The following ZC3H6 variants were observed in gnomAD, a reference collection of about 807,000 sequenced individuals.
ZC3H6 encodes zinc finger CCCH-type containing 6.
Under a neutral mutation model 107.7 loss-of-function variants are expected in ZC3H6, and 40 were observed. That is an observed-to-expected ratio of 0.37 (90% CI 0.29 to 0.48). The LOEUF (loss-of-function observed/expected upper bound fraction) is 0.48. ZC3H6 is among the 20% of genes least tolerant of loss of function. ZC3H6 has a pLI of 0.98. For synonymous variants in ZC3H6, 493 were observed against 487.9 expected, an observed-to-expected ratio of 1.01 and a Z score of -0.14; for missense variants, 1,267 against 1,410.4, an observed-to-expected ratio of 0.90 and a Z score of 1.63.
chr2:112,276,227 C>T (rs1001616775), intron 1 of ZC3H6, among the ~76,000 whole-genome samples: 25 of 148,596 alleles, frequency 1.7e-4, no homozygotes, highest in Middle Eastern at 3.4e-3. Flanking sequence ...CTCCCCGAGC[C>T]GGGGTCGCTG....
rs1677065398 is a variant in ZC3H6, at chr2:112,332,923, A to C, written c.*435A>C. 1 of 153,498 alleles carries C rather than the reference A, an allele frequency of 6.5e-6. No homozygotes were observed. Among genetic ancestry groups the C allele is most frequent in the Non-Finnish European group, 1.5e-5 (1 of 68,638 alleles). 9.5% of individuals were successfully genotyped at this position (153,498 alleles called of 1,614,324 possible). The stretch of plus-strand genomic sequence containing the variant: ...CTTATTTGTCAGCACAGAACTGATT[A>C]ATATGTAATGCTACCTGCTAATTAA... On this transcript the variant is annotated 3_prime_UTR_variant, in exon 12 of 12. Transcript: ENST00000409871.
At chr2:112,312,911 A>C (rs1364393582) in intron 5 of ZC3H6, among the ~76,000 whole-genome samples, 1 of 151,546 alleles carries the variant, frequency 6.6e-6, no homozygotes, top group Non-Finnish European at 1.5e-5. Context: ...TGAGAGGGAT[A>C]GCTATATACT....
In ZC3H6 at chr2:112,276,962, A is replaced by AT. The variant is rs528357826; in HGVS notation, c.32+936_32+937insT. Among the ~76,000 whole-genome samples, 987 of 152,318 alleles carry AT rather than the reference A, an allele frequency of 6.5e-3. 9 individuals carry two copies. Among genetic ancestry groups the AT allele is most frequent in the African/African-American group, 0.022 (910 of 41,568 alleles). Reference sequence around the variant, plus strand: ...AATTACTCCTTTGTGAATAGAAGTAAGAAAAAATATACGTTTTACTATAGA... The same window carrying AT: ...AATTACTCCTTTGTGAATAGAAGTAATGAAAAAATATACGTTTTACTATAGA... On this transcript the variant is annotated intron_variant, in intron 1 of 11. Coordinates refer to ENST00000409871, the MANE Select transcript of ZC3H6 (RefSeq NM_198581.3).
chr2:112,291,430 C>T (rs59673729), intron 1 of ZC3H6, among the ~76,000 whole-genome samples: 12,721 of 151,438 alleles, frequency 0.084, 380 homozygotes, highest in African/African-American at 0.15. Context: ...GACGGGGTTT[C>T]GCCATGTTGG....
chr2:112,275,599 C>T lies in ZC3H6; in HGVS notation c.-396C>T. 2.5e-6 allele frequency: 1 copy of T among 401,410 alleles called. No individual in the cohort carries two copies. Among genetic ancestry groups the T allele is most frequent in the Non-Finnish European group, 4.4e-6 (1 of 226,952 alleles). The allele number at this position is 401,410 out of a possible 1,614,324, so 24.9% of individuals were successfully genotyped here. ...CCGGGCAAGGTGTTGCGGCCGGCGC[C>T]ATTTTCTCGAGCCGCCTGTTTCGGG... On this transcript the variant is annotated 5_prime_UTR_variant, in exon 1 of 12. Transcript: ENST00000409871.
rs145627439 is a variant in ZC3H6 at position 112,335,572 on chromosome 2, G to A, written c.*3084G>A. 17 of 152,144 alleles carry A rather than the reference G, an allele frequency of 1.1e-4. No homozygotes were observed. The East Asian group carries it at 2.5e-3, about 22-fold the overall frequency. The allele number at this position is 152,144 out of a possible 1,614,324, so 9.4% of individuals were successfully genotyped here. Reference sequence around the variant, plus strand: ...GGGTTAATTTTTATTGATCACATTTGATGTAAAGAATGAATTATTTTTGTA... The same window carrying A: ...GGGTTAATTTTTATTGATCACATTTAATGTAAAGAATGAATTATTTTTGTA... On this transcript the variant is annotated 3_prime_UTR_variant, in exon 12 of 12. Coordinates refer to ENST00000409871, the MANE Select transcript of ZC3H6 (RefSeq NM_198581.3).
At chr2:112,295,295 ACTG>A (rs1676211604) in intron 1 of ZC3H6, among the ~76,000 whole-genome samples, 1 of 152,142 alleles carries the variant, frequency 6.6e-6, no homozygotes, top group Non-Finnish European at 1.5e-5. Flanking sequence ...TAATTAATTG[ACTG>A]AGGAACTTAT....
rs747409562 is a variant in ZC3H6 at position 112,325,190 on chromosome 2, G to T, written c.2079G>T (p.Lys693Asn). 2 of 1,613,930 alleles carry T rather than the reference G, an allele frequency of 1.2e-6. No homozygotes were observed. The highest frequency in any genetic ancestry group is 1.7e-6 in the Non-Finnish European group (2 of 1,179,830). ...TSTQPHRAPS[K>N]EEDDTVNWYS... ...CCCAACCTCATAGGGCACCAAGCAA[G>T]GAAGAAGGTGTGTCAGAAGTTATTA... Residue 693 changes from lysine (K) to asparagine (N), a missense_variant, in exon 11 of 12, where the codon AAG becomes AAT. Lys to Asn is a moderately conservative substitution (Grantham distance 94). Coordinates refer to ENST00000409871, the MANE Select transcript of ZC3H6 (RefSeq NM_198581.3).
At chr2:112,308,439 T>TATTTATTC (rs1466004846) in intron 3 of ZC3H6, among the ~76,000 whole-genome samples, 1 of 149,532 alleles carries the variant, frequency 6.7e-6, no homozygotes, top group Non-Finnish European at 1.5e-5. Flanking sequence ...TTTATTTATT[T>TATTTATTC]ATTTTGAGAC....
intron 5 of ZC3H6, 101 bp from the exon 6 acceptor site, chr2:112,316,369 T>C: frequency 1.4e-6 from 1 of 721,146 alleles, no homozygotes; most frequent in Non-Finnish European, 2.4e-6. Flanking sequence ...TGATCACTTT[T>C]TGTAGTCAAT....
Position 112,275,710 on chromosome 2 carries a change from C to G in ZC3H6, c.-285C>G, listed in dbSNP as rs570749062. On this transcript the variant is annotated 5_prime_UTR_variant, in exon 1 of 12. Transcript: ENST00000409871. ...TGCACGCCGCCCGCCCGCTCCCACG[C>G]CACAGCCACCGGCGGCGAATAGAGA... 2.4e-6 allele frequency: 1 copy of G among 415,582 alleles called. No homozygotes were observed. Among genetic ancestry groups the G allele is most frequent in the Non-Finnish European group, 4.3e-6 (1 of 234,590 alleles). The allele number at this position is 415,582 out of a possible 1,614,324, so 25.7% of individuals were successfully genotyped here.
intron 3 of ZC3H6, among the ~76,000 whole-genome samples, chr2:112,307,506 C>T (rs998616929): frequency 1.3e-5 from 2 of 152,068 alleles, no homozygotes; most frequent in Non-Finnish European, 2.9e-5. Flanking sequence ...TATCTTCTCT[C>T]GGTTGGACTT....
intron 1 of ZC3H6, among the ~76,000 whole-genome samples, chr2:112,294,683 T>C (rs1676195655): frequency 6.6e-6 from 1 of 152,172 alleles, no homozygotes; most frequent in African/African-American, 2.4e-5. Flanking sequence ...GACTGAATAG[T>C]TGAGGTTAAT....
At chr2:112,305,877 CGTTTT>C (rs1369116132) in intron 3 of ZC3H6, among the ~76,000 whole-genome samples, 1 of 152,130 alleles carries the variant, frequency 6.6e-6, no homozygotes, top group Non-Finnish European at 1.5e-5. Context: ...CCCCAGTTAA[CGTTTT>C]ACCACATATG....
At chr2:112,308,130 C>G (rs1420825672) in intron 3 of ZC3H6, among the ~76,000 whole-genome samples, 1 of 152,010 alleles carries the variant, frequency 6.6e-6, no homozygotes, top group Non-Finnish European at 1.5e-5. Context: ...TAAAAAATGT[C>G]AGAAACACTG....
intron 1 of ZC3H6, among the ~76,000 whole-genome samples, chr2:112,284,354 C>T (rs183331480): frequency 0.016 from 2,405 of 151,432 alleles, 71 homozygotes; most frequent in African/African-American, 0.055. Context: ...ACAAAATATC[C>T]CTTTTTTGAA....
At chr2:112,310,587 G>A (rs1676574917) in intron 4 of ZC3H6, among the ~76,000 whole-genome samples, 1 of 152,128 alleles carries the variant, frequency 6.6e-6, no homozygotes, top group African/African-American at 2.4e-5. Flanking sequence ...TAAAATTGGA[G>A]ATAAAAACAT....
intron 2 of ZC3H6, 128 bp downstream of exon 2, chr2:112,300,157 A>G (rs1669961957): frequency 3.4e-6 from 2 of 585,842 alleles, no homozygotes; most frequent in African/African-American, 1.9e-5. Flanking sequence ...TTATGTGATT[A>G]AACTTTCTAA....
At position 112,332,276 on chromosome 2, in the gene ZC3H6, AG is replaced by A; in HGVS notation, c.3359del (p.Ser1120IlefsTer18). The A allele has an allele frequency of 6.2e-7, 1 of 1,613,926 alleles. No homozygotes were observed. The highest frequency in any genetic ancestry group is 8.5e-7 in the Non-Finnish European group (1 of 1,179,860). Reference protein sequence around the residue: ...PADPQADVPRSSGKVQVPAVH... With the variant: ...PADPQADVPRXSGKVQVPAVH... ...TGACCCACAGGCGGACGTTCCCAGG[AG>A]TTCTGGTAAGGTTCAGGTCCCAGCA... On this transcript the variant is annotated frameshift_variant, in exon 12 of 12. Transcript: ENST00000409871. LOFTEE classifies it high-confidence loss of function.
Sources: gnomAD v4.1 joint callset for allele counts (sites outside exome capture counted in the v4.1 genomes callset) on GRCh38, gnomAD v4.1.1 for gene constraint, MANE v1.5 for transcripts, NCBI Gene and HGNC (gene_info 2026-07-23, HGNC 2026-07-21) for gene names.